The following MAP3K15 variants were observed in gnomAD, a reference collection of about 807,000 sequenced individuals.
MAP3K15 encodes mitogen-activated protein kinase kinase kinase 15.
In MAP3K15, 124 loss-of-function variants were observed where a neutral mutation model predicts 99.5. The observed-to-expected ratio is 1.25, with a 90% CI of 1.08 to 1.45. The LOEUF (loss-of-function observed/expected upper bound fraction) is 1.45. MAP3K15 is among the 40% of genes most tolerant of loss of function. The probability of loss-of-function intolerance (pLI) is 0.00; values close to 1 mark genes in which losing one functional copy is unlikely to be tolerated. For synonymous variants in MAP3K15, 494 were observed against 439.6 expected (o/e 1.12, Z -1.55); for missense variants, 1,242 against 1,079.7 (o/e 1.15, Z -2.11).
At chrX:19,456,807 G>A in intron 6 of MAP3K15, 106 bp downstream of exon 6, 1 of 515,715 alleles carries the variant, frequency 1.9e-6, no homozygotes, top group South Asian at 3.0e-5. Flanking sequence ...TCATAACCTT[G>A]GCATTTAGCA....
At chrX:19,375,996 G>A (rs1030999239) in intron 19 of MAP3K15, among the ~76,000 whole-genome samples, 5 of 112,248 alleles carry the variant, frequency 4.5e-5, no homozygotes, top group Non-Finnish European at 9.4e-5. Flanking sequence ...ACAGGCACTA[G>A]GGGTACAAAG....
chrX:19,440,059 A>G (rs1207220412), intron 6 of MAP3K15, among the ~76,000 whole-genome samples: 5 of 110,730 alleles, frequency 4.5e-5, no homozygotes, highest in Middle Eastern at 4.6e-3. Context: ...GTGCATGGCC[A>G]CTCCAGCAAT....
intron 6 of MAP3K15, among the ~76,000 whole-genome samples, chrX:19,442,341 G>A (rs963300968): frequency 9.9e-5 from 11 of 111,331 alleles, no homozygotes; most frequent in African/African-American, 3.3e-4. Flanking sequence ...GAGTATGTCT[G>A]ACTTGGATGT....
chrX:19,460,976 CT>C (rs368738911), intron 4 of MAP3K15, among the ~76,000 whole-genome samples: 103 of 93,762 alleles, frequency 1.1e-3, no homozygotes, highest in African/African-American at 2.5e-3. Flanking sequence ...GGTTTCTTTC[CT>C]TTTTTTTTTT....
intron 3 of MAP3K15, among the ~76,000 whole-genome samples, chrX:19,479,319 G>A: frequency 9.0e-6 from 1 of 110,677 alleles, no homozygotes; most frequent in Non-Finnish European, 1.9e-5. Context: ...GAGGAACATA[G>A]AGGCCTGGCC....
rs183876531 is a variant in MAP3K15, at chrX:19,394,107, C to T, written c.2194+974G>A. Among the ~76,000 whole-genome samples, 676 of 111,048 alleles carry T rather than the reference C, an allele frequency of 6.1e-3. 7 individuals are homozygous for T. Among genetic ancestry groups the T allele is most frequent in the African/African-American group, 0.021 (649 of 30,539 alleles). ...GCTCTTAATAAATATACTTAAGACT[C>T]TTCCTGTAATAGCAGACTCTTAATA... On this transcript the variant is annotated intron_variant, in intron 16 of 28. Coordinates refer to ENST00000338883, the MANE Select transcript of MAP3K15 (RefSeq NM_001001671.4).
rs1414627910 is a variant in MAP3K15 at position 19,445,949 on chromosome X, AAAATCAATAAAT to A, written c.995+10952_995+10963del. Among the ~76,000 whole-genome samples the A allele has an allele frequency of 6.0e-5, 6 of 100,073 alleles. 1 individual carries two copies. In the South Asian group the frequency reaches 1.8e-3, roughly 31 times the overall value. The allele number at this position is 100,073 out of a possible 115,157, so 86.9% of individuals were successfully genotyped here. A position where few individuals can be genotyped will look rare whatever the true frequency, so the allele number is the denominator to read the frequency against. ...GCGACAAGAGCGAAACTCCATCTCAAAAATCAATAAATAAATAAATAAATAAATAAATAAATA... is the reference window on the plus strand; with the variant it reads ...GCGACAAGAGCGAAACTCCATCTCAAAAATAAATAAATAAATAAATAAATA... On this transcript the variant is annotated intron_variant, in intron 6 of 28. Transcript: ENST00000338883.
chrX:19,423,961 A>G (rs986560784), intron 9 of MAP3K15, among the ~76,000 whole-genome samples: 2 of 111,571 alleles, frequency 1.8e-5, no homozygotes, highest in Non-Finnish European at 3.8e-5. Flanking sequence ...CTGGTTGGCA[A>G]GATTTCATGC....
At chrX:19,473,497 T>C (rs2064220961) in intron 3 of MAP3K15, among the ~76,000 whole-genome samples, 1 of 112,465 alleles carries the variant, frequency 8.9e-6, no homozygotes, top group African/African-American at 3.2e-5. Flanking sequence ...ATCTCAAGAA[T>C]CCAGCTCATT....
chrX:19,465,422 G>A (rs982028153), intron 3 of MAP3K15, among the ~76,000 whole-genome samples: 1 of 110,357 alleles, frequency 9.1e-6, no homozygotes, highest in African/African-American at 3.3e-5. Context: ...CATCCTTGTG[G>A]GTACCAGCTA....
At chrX:19,464,570 G>A (rs186976633) in intron 3 of MAP3K15, among the ~76,000 whole-genome samples, 164 bp from the exon 4 acceptor site, 7 of 111,413 alleles carry the variant, frequency 6.3e-5, no homozygotes, top group East Asian at 5.7e-4. Context: ...GAAACCGCTC[G>A]ATTTCAAAAG....
intron 7 of MAP3K15, among the ~76,000 whole-genome samples, chrX:19,426,631 A>G (rs1182226612): frequency 1.8e-5 from 2 of 109,281 alleles, no homozygotes; most frequent in Non-Finnish European, 3.8e-5. Context: ...CCTGGCCAAA[A>G]CGGTGAAACC....
At chrX:19,384,555 C>T (rs1172004619) in intron 18 of MAP3K15, among the ~76,000 whole-genome samples, 1 of 107,752 alleles carries the variant, frequency 9.3e-6, no homozygotes, top group Non-Finnish European at 1.9e-5. Context: ...GCCTGGGCAA[C>T]ACAGCGAAAC....
intron 1 of MAP3K15, among the ~76,000 whole-genome samples, chrX:19,497,955 C>T (rs1217973714): frequency 9.0e-6 from 1 of 111,181 alleles, no homozygotes; most frequent in African/African-American, 3.3e-5. Context: ...ATAAAGCAAC[C>T]CCACTACATG....
Position 19,395,118 on chromosome X carries a change from G to T in MAP3K15, c.2157C>A (p.Asn719Lys). 8.3e-7 allele frequency: 1 copy of T among 1,208,629 alleles called. No individual in the cohort carries two copies. The highest frequency in any genetic ancestry group is 1.1e-6 in the Non-Finnish European group (1 of 893,588). The change falls in exon 16 of 29, where the codon AAC becomes AAA. Residue 719 changes from asparagine to lysine, a missense_variant. Transcript: ENST00000338883. ...GCTCCATAAATATCTTAATGTAGCC[G>T]TTCTCTGAAACAGAGCCCAGGTACT... is the stretch of plus-strand genomic sequence containing the variant. Reference protein sequence around the residue: ...IVQYLGSVSENGYIKIFMEQV... With the variant: ...IVQYLGSVSEKGYIKIFMEQV...
chrX:19,449,009 TCCC>T (rs1171323441), intron 6 of MAP3K15, among the ~76,000 whole-genome samples: 1 of 109,770 alleles, frequency 9.1e-6, no homozygotes, highest in African/African-American at 3.3e-5. Context: ...CTCAAACCAT[TCCC>T]CAAGTTGAAT....
At chrX:19,386,743 C>T (rs1466730458) in intron 18 of MAP3K15, among the ~76,000 whole-genome samples, 1 of 111,571 alleles carries the variant, frequency 9.0e-6, no homozygotes, top group Admixed American at 9.5e-5. Flanking sequence ...GCAGAAGACA[C>T]AAGTTTATAA....
At chrX:19,514,874 C>G in intron 1 of MAP3K15, 27 bp downstream of exon 1, 6 of 1,004,096 alleles carry the variant, frequency 6.0e-6, no homozygotes, top group Non-Finnish European at 7.8e-6. Context: ...TGAACTGGGA[C>G]TGAGGTGGGG....
rs189116135 is a variant in MAP3K15 at position 19,427,989 on chromosome X, C to T, written c.1167-1646G>A. ...CTAGATGTGACTGTTTTATTTTCTT[C>T]TACTATGAAAAGTCATACTGAGAAG... On this transcript the variant is annotated intron_variant, in intron 7 of 28. Coordinates refer to ENST00000338883, the MANE Select transcript of MAP3K15 (RefSeq NM_001001671.4). Among the ~76,000 whole-genome samples, 312 of 110,687 alleles carry T rather than the reference C, an allele frequency of 2.8e-3. 1 individual carries two copies. The highest frequency in any genetic ancestry group is 4.6e-3 in the Non-Finnish European group (241 of 52,941).
Sources: gnomAD v4.1 joint callset for allele counts (sites outside exome capture counted in the v4.1 genomes callset) on GRCh38, gnomAD v4.1.1 for gene constraint, MANE v1.5 for transcripts, NCBI Gene and HGNC (gene_info 2026-07-23, HGNC 2026-07-21) for gene names.